The following SLC4A4 variants were observed in gnomAD, a reference collection of about 807,000 sequenced individuals.
SLC4A4 encodes the protein solute carrier family 4 member 4.
SLC4A4 carries 27 observed loss-of-function variants against 111.5 expected under a neutral mutation model. That is an observed-to-expected ratio of 0.24 (90% CI 0.18 to 0.33). The LOEUF (loss-of-function observed/expected upper bound fraction) is 0.33, where lower values mean the gene tolerates loss of function less well. SLC4A4 is among the 10% of genes least tolerant of loss of function. SLC4A4 has a pLI of 1.00. For missense variants in SLC4A4, 909 were observed against 1,315.5 expected, an observed-to-expected ratio of 0.69 and a Z score of 4.78; for synonymous variants, 443 against 463.4, an observed-to-expected ratio of 0.96 and a Z score of 0.57.
intron 14 of SLC4A4, among the ~76,000 whole-genome samples, chr4:71,478,793 C>T (rs978672278): frequency 2.0e-5 from 3 of 151,698 alleles, no homozygotes; most frequent in Non-Finnish European, 4.4e-5. Context: ...AAGTAGAATA[C>T]ACACATATAC....
At chr4:71,122,510 G>T (rs988411197) in intron 2 of SLC4A4, among the ~76,000 whole-genome samples, 1 of 151,904 alleles carries the variant, frequency 6.6e-6, no homozygotes, top group Admixed American at 6.6e-5. Context: ...TTCAGAAGAA[G>T]ACAATAGCAT....
chr4:71,400,680 G>A (rs1720274495), intron 7 of SLC4A4, among the ~76,000 whole-genome samples: 1 of 152,018 alleles, frequency 6.6e-6, no homozygotes, highest in African/African-American at 2.4e-5. Context: ...CAAAGGTACA[G>A]GTACAGAAAT....
At chr4:71,475,650 T>G (rs530090671) in intron 14 of SLC4A4, among the ~76,000 whole-genome samples, 9 of 151,930 alleles carry the variant, frequency 5.9e-5, no homozygotes, top group Non-Finnish European at 1.3e-4. Context: ...ATTCAAGTCC[T>G]GGTTTGGCTC....
At chr4:71,489,706 G>A (rs1560554936) in intron 15 of SLC4A4, among the ~76,000 whole-genome samples, 4 of 151,646 alleles carry the variant, frequency 2.6e-5, no homozygotes, top group Admixed American at 2.6e-4. Context: ...CTCCTATCCT[G>A]AACCTTTCCT....
At chr4:71,162,110 A>G (rs1744629123) in intron 2 of SLC4A4, among the ~76,000 whole-genome samples, 1 of 152,196 alleles carries the variant, frequency 6.6e-6, no homozygotes, top group Non-Finnish European at 1.5e-5. Flanking sequence ...ACCCCAGTTG[A>G]AGATAGAATA....
At chr4:71,222,231 G>T (rs767137818) in intron 1 of SLC4A4, among the ~76,000 whole-genome samples, 1 of 152,010 alleles carries the variant, frequency 6.6e-6, no homozygotes, top group Non-Finnish European at 1.5e-5. Context: ...CCACCTACTG[G>T]CCTCCTTGAT....
rs72860052 is a variant in SLC4A4, at chr4:71,161,290, C to A, written c.-2+68498C>A. Among the ~76,000 whole-genome samples the A allele has an allele frequency of 5.3e-3, 804 of 152,278 alleles. 10 individuals are homozygous for A. Among genetic ancestry groups the A allele is most frequent in the African/African-American group, 0.019 (770 of 41,562 alleles). ...TGGAGTCAGAAAAGTTGTCAGGTAG[C>A]AATATGATTATTTCATTAACTCTAC... On this transcript the variant is annotated intron_variant, in intron 2 of 26. Transcript: ENST00000649996.
intron 2 of SLC4A4, among the ~76,000 whole-genome samples, chr4:71,151,145 A>C (rs895362882): frequency 6.6e-6 from 1 of 152,216 alleles, no homozygotes; most frequent in African/African-American, 2.4e-5. Context: ...TGGATGGTGA[A>C]TATTTAGAAC....
chr4:71,173,278 A>G (rs1216851318), intron 2 of SLC4A4, among the ~76,000 whole-genome samples: 1 of 152,238 alleles, frequency 6.6e-6, no homozygotes, highest in Non-Finnish European at 1.5e-5. Context: ...TATTGATATC[A>G]GTATATATGT....
intron 1 of SLC4A4, among the ~76,000 whole-genome samples, chr4:71,063,356 TG>T (rs1215223791): frequency 3.3e-5 from 5 of 152,216 alleles, no homozygotes; most frequent in Non-Finnish European, 7.3e-5. Flanking sequence ...TCAGGTTATA[TG>T]TGTTACGTAG....
At chr4:71,238,094 G>A (rs2149039567) in intron 2 of SLC4A4, among the ~76,000 whole-genome samples, 1 of 152,300 alleles carries the variant, frequency 6.6e-6, no homozygotes, top group African/African-American at 2.4e-5. Context: ...TATAGCATAT[G>A]AATATAAGAA....
intron 7 of SLC4A4, among the ~76,000 whole-genome samples, chr4:71,428,816 A>T (rs4353873): frequency 6.6e-6 from 1 of 152,072 alleles, no homozygotes; most frequent in Admixed American, 6.6e-5. Context: ...GAGGGGAAAA[A>T]ATAATGTATA....
At chr4:71,195,230 G>GTTT (rs66527038) in intron 1 of SLC4A4, among the ~76,000 whole-genome samples, 135 of 93,156 alleles carry the variant, frequency 1.4e-3, no homozygotes, top group Middle Eastern at 6.8e-3. Context: ...CTGTATTTGA[G>GTTT]TTTTTTTTTT....
chr4:71,196,378 CA>C (rs1264453946), intron 1 of SLC4A4, among the ~76,000 whole-genome samples: 1 of 151,412 alleles, frequency 6.6e-6, no homozygotes, highest in Non-Finnish European at 1.5e-5. Flanking sequence ...GGAAATGTCT[CA>C]AAAGATTTAG....
Position 71,255,368 on chromosome 4 carries a change from T to C in SLC4A4, c.222T>C (p.Asp74=), listed in dbSNP as rs768670147. 1 of 1,613,588 alleles carries C rather than the reference T, an allele frequency of 6.2e-7. No individual in the cohort carries two copies. Among genetic ancestry groups the C allele is most frequent in the South Asian group, 1.1e-5 (1 of 91,082 alleles). ...ACAAATCAGATATTGAAAATGCTGA[T>C]GAATCCAGCAGCAGCATCCTAAAAC... ...YSDKSDIENA[D]ESSSSILKPL... is the part of the protein sequence containing the mutation. Residue 74 remains aspartate (D), a synonymous_variant, in exon 3 of 26, where the codon GAT becomes GAC. Transcript: ENST00000264485.
chr4:71,257,479 T>C (rs1447336805), intron 3 of SLC4A4, among the ~76,000 whole-genome samples: 1 of 152,200 alleles, frequency 6.6e-6, no homozygotes, highest in Non-Finnish European at 1.5e-5. Context: ...GGTAGTTAAT[T>C]ATTTGGTACA....
intron 18 of SLC4A4, among the ~76,000 whole-genome samples, chr4:71,537,223 GT>G (rs900170857): frequency 5.7e-5 from 8 of 140,190 alleles, no homozygotes; most frequent in Non-Finnish European, 1.1e-4. Context: ...ACTCTAATGC[GT>G]TTTCATGCTT....
At chr4:71,282,586 AT>A (rs529921131) in intron 3 of SLC4A4, among the ~76,000 whole-genome samples, 262 of 141,512 alleles carry the variant, frequency 1.9e-3, no homozygotes, top group Middle Eastern at 0.011. Flanking sequence ...CACCCAGCTG[AT>A]TTTTTTTTTT....
At chr4:71,158,547 A>T (rs1418268942) in intron 2 of SLC4A4, among the ~76,000 whole-genome samples, 2 of 152,162 alleles carry the variant, frequency 1.3e-5, no homozygotes, top group African/African-American at 2.4e-5. Context: ...TCCCTCAGCC[A>T]CTTACTTAGA....
Sources: allele counts gnomAD v4.1 joint callset (sites outside exome capture counted in the v4.1 genomes callset), GRCh38; gene constraint gnomAD v4.1.1; transcripts MANE v1.5; gene names NCBI Gene and HGNC (gene_info 2026-07-23, HGNC 2026-07-21).